TMEM260: variants seen among roughly 807,000 people sequenced by gnomAD.
The protein encoded by TMEM260 is transmembrane protein 260, also known as protein O-mannosyl-transferase TMEM260.
Under a neutral mutation model 88.9 loss-of-function variants are expected in TMEM260, and 82 were observed. The ratio of observed to expected loss-of-function variants is 0.92; its 90% CI spans 0.77 to 1.11. The LOEUF is 1.11. Ranked by LOEUF, TMEM260 falls within the 50% of genes least tolerant of loss-of-function variation. The pLI, the probability that TMEM260 is intolerant of heterozygous loss-of-function variation, is 0.00. For synonymous variants in TMEM260, 314 were observed against 309.3 expected (o/e 1.02, Z -0.16); for missense variants, 902 against 853.4 (o/e 1.06, Z -0.71).
intron 3 of TMEM260, among the ~76,000 whole-genome samples, chr14:56,588,103 C>T (rs12890080): frequency 0.27 from 41,301 of 151,876 alleles, 6,588 homozygotes; most frequent in Non-Finnish European, 0.37. Flanking sequence ...GTTTAGGAGA[C>T]GTTTCACTAC....
intron 6 of TMEM260, 52 bp downstream of exon 6, chr14:56,609,337 G>T (rs1047491534): frequency 3.9e-6 from 6 of 1,526,740 alleles, no homozygotes; most frequent in Non-Finnish European, 4.5e-6. Flanking sequence ...AAACTTCAGT[G>T]CTCTGCCTGG....
chr14:56,640,678 A>G (rs1321268793), intron 15 of TMEM260, among the ~76,000 whole-genome samples: 1 of 152,242 alleles, frequency 6.6e-6, no homozygotes, highest in Non-Finnish European at 1.5e-5. Context: ...AGAAGGCTTC[A>G]GAAGATCAAA....
intron 6 of TMEM260, among the ~76,000 whole-genome samples, chr14:56,609,701 A>C (rs1887133928): frequency 6.6e-6 from 1 of 152,158 alleles, no homozygotes; most frequent in South Asian, 2.1e-4. Flanking sequence ...TATTTTTTAC[A>C]TATTTCATGA....
chr14:56,636,409 G>GTACATCCCT, intron 14 of TMEM260, 99 bp from the exon 15 acceptor site: 1 of 882,958 alleles, frequency 1.1e-6, no homozygotes, highest in Non-Finnish European at 1.9e-6. Flanking sequence ...AAAGGATTTT[G>GTACATCCCT]TACATCCCTT....
intron 12 of TMEM260, among the ~76,000 whole-genome samples, chr14:56,629,374 G>A (rs957700192): frequency 5.3e-5 from 8 of 150,540 alleles, no homozygotes; most frequent in Non-Finnish European, 1.0e-4. Flanking sequence ...CAAGCAGAAT[G>A]TGATAACCTT....
At chr14:56,658,931 T>A in the TMEM260 span, among the ~76,000 whole-genome samples, 31 of 152,074 alleles carry the variant, frequency 2.0e-4, no homozygotes, top group East Asian at 1.7e-3. Flanking sequence ...GGTTTCTCCA[T>A]GTTGGCCAGG....
intron 3 of TMEM260, 99 bp downstream of exon 3, chr14:56,586,011 T>G: frequency 8.1e-7 from 1 of 1,232,228 alleles, no homozygotes; most frequent in Non-Finnish European, 1.1e-6. Flanking sequence ...TGTTGCTTGG[T>G]TTCCCTAACA....
At chr14:56,629,241 A>G (rs1014196693) in intron 12 of TMEM260, among the ~76,000 whole-genome samples, 1 of 145,460 alleles carries the variant, frequency 6.9e-6, no homozygotes, top group Admixed American at 6.8e-5. Context: ...ATTTTTTACT[A>G]TATCGCTTGG....
chr14:56,601,961 C>T lies in TMEM260; in HGVS notation c.345-1854C>T, dbSNP rs17091777. On this transcript the variant is annotated intron_variant, in intron 3 of 15. Coordinates refer to ENST00000261556, the MANE Select transcript of TMEM260 (RefSeq NM_017799.4). ...GCCATTTCTCCAAGGATGCTAATTTCGGTTTTAAATAGAGGAAGGAATATT... is the reference window on the plus strand; with the variant it reads ...GCCATTTCTCCAAGGATGCTAATTTTGGTTTTAAATAGAGGAAGGAATATT... 8.5e-3 allele frequency among the ~76,000 whole-genome samples: 1,286 copies of T among 152,120 alleles called. 34 individuals are homozygous for T. In the East Asian group the frequency reaches 0.085, roughly 10 times the overall value.
At chr14:56,651,565 A>G (rs564980548), downstream of TMEM260, among the ~76,000 whole-genome samples, 3 of 152,232 alleles carry the variant, frequency 2.0e-5, no homozygotes, top group African/African-American at 4.8e-5. Context: ...TTAATTTTCA[A>G]TACAAACATT....
rs34268894 is a variant in TMEM260 at position 56,593,677 on chromosome 14, C to CTTTTTTTTTTTTTTTTTT, written c.344+7776_344+7793dup. Among the ~76,000 whole-genome samples, 2 of 63,506 alleles carry CTTTTTTTTTTTTTTTTTT rather than the reference C, an allele frequency of 3.1e-5. 1 individual carries two copies. Among genetic ancestry groups the CTTTTTTTTTTTTTTTTTT allele is most frequent in the African/African-American group, 1.1e-4 (2 of 18,612 alleles). 41.7% of individuals were successfully genotyped at this position (63,506 alleles called of 152,430 possible). A position where few individuals can be genotyped will look rare whatever the true frequency, so the allele number is the denominator to read the frequency against. On this transcript the variant is annotated intron_variant, in intron 3 of 15. Transcript: ENST00000261556. Reference sequence around the variant, plus strand: ...ATTATTGGTATTGACAGGTGAGTGTCTTTTTTTTTTTTTTTTTTTTTTTTT... The same window carrying CTTTTTTTTTTTTTTTTTT: ...ATTATTGGTATTGACAGGTGAGTGTCTTTTTTTTTTTTTTTTTTTTTTTTTTTTTTTTTTTTTTTTTTT...
At chr14:56,601,430 T>G (rs1354181019) in intron 3 of TMEM260, among the ~76,000 whole-genome samples, 2 of 152,184 alleles carry the variant, frequency 1.3e-5, no homozygotes, top group Non-Finnish European at 2.9e-5. Context: ...TTTGTCCTAT[T>G]ACTAATGCTG....
intron 12 of TMEM260, 64 bp from the exon 13 acceptor site, chr14:56,632,931 A>T: frequency 1.4e-6 from 2 of 1,416,154 alleles, no homozygotes; most frequent in Non-Finnish European, 1.9e-6. Context: ...TTCATGAATT[A>T]TATTTACTTA....
chr14:56,645,592 AT>A (rs1297382413), intron 15 of TMEM260, among the ~76,000 whole-genome samples: 1 of 152,060 alleles, frequency 6.6e-6, no homozygotes, highest in African/African-American at 2.4e-5. Context: ...ATGTATACAT[AT>A]GTAACAAACC....
At chr14:56,598,985 A>C (rs901174430) in intron 3 of TMEM260, among the ~76,000 whole-genome samples, 1 of 152,196 alleles carries the variant, frequency 6.6e-6, no homozygotes, top group South Asian at 2.1e-4. Context: ...ATCTTGCTTA[A>C]CTGGCCTGTT....
intron 3 of TMEM260, among the ~76,000 whole-genome samples, chr14:56,603,489 A>G (rs1001372283): frequency 6.6e-6 from 1 of 152,170 alleles, no homozygotes; most frequent in African/African-American, 2.4e-5. Context: ...TGGATGGAGC[A>G]AGAAAATGAC....
rs1210806433 is a variant in TMEM260 at position 56,623,436 on chromosome 14, G to A, written c.1398+1734G>A. 2.0e-5 allele frequency among the ~76,000 whole-genome samples: 3 copies of A among 152,170 alleles called. No individual in the cohort carries two copies. The East Asian group carries it at 5.8e-4, about 29-fold the overall frequency. On this transcript the variant is annotated intron_variant, in intron 11 of 15. Coordinates refer to ENST00000261556, the MANE Select transcript of TMEM260 (RefSeq NM_017799.4). ...ATTGGAAATAACATGTGCCCCAGAAGCCCCCCAGCAGACCTCCACTCAGGC... is the reference window on the plus strand; with the variant it reads ...ATTGGAAATAACATGTGCCCCAGAAACCCCCCAGCAGACCTCCACTCAGGC...
chr14:56,596,794 A>AAAAATATAT (rs59623466), intron 3 of TMEM260, among the ~76,000 whole-genome samples: 127 of 136,296 alleles, frequency 9.3e-4, no homozygotes, highest in African/African-American at 3.4e-3. Context: ...TAAAAAAAAA[A>AAAAATATAT]ATATATATAT....
rs74052016 is a variant in TMEM260, at chr14:56,588,576, A to G, written c.344+2664A>G. Among the ~76,000 whole-genome samples, 1,308 of 152,028 alleles carry G rather than the reference A, an allele frequency of 8.6e-3. 27 individuals carry two copies. Among genetic ancestry groups the G allele is most frequent in the African/African-American group, 0.03 (1,263 of 41,504 alleles). The stretch of plus-strand genomic sequence containing the variant: ...TGCATTTTTTTGTCAATCTTTCCTA[A>G]TGGTTGGCAAGAACTCATTTATATT... On this transcript the variant is annotated intron_variant, in intron 3 of 15. Coordinates refer to ENST00000261556, the MANE Select transcript of TMEM260 (RefSeq NM_017799.4).
Sources: allele counts gnomAD v4.1 joint callset (sites outside exome capture counted in the v4.1 genomes callset), GRCh38; gene constraint gnomAD v4.1.1; transcripts MANE v1.5; gene names NCBI Gene and HGNC (gene_info 2026-07-23, HGNC 2026-07-21).